The following ADGRB3 variants were observed in gnomAD, a reference collection of about 807,000 sequenced individuals.
ADGRB3 encodes the protein brain-specific angiogenesis inhibitor 3.
In ADGRB3, 37 loss-of-function variants were observed where a neutral mutation model predicts 193.4. That is an observed-to-expected ratio of 0.19 (90% CI 0.15 to 0.25). The LOEUF (loss-of-function observed/expected upper bound fraction) is 0.25, where lower values mean the gene tolerates loss of function less well. Among genes scored for constraint, ADGRB3 ranks in the 10% least tolerant of loss-of-function variants. The probability of loss-of-function intolerance (pLI) is 1.00; values close to 1 mark genes in which losing one functional copy is unlikely to be tolerated. For missense variants in ADGRB3, 1,637 were observed against 1,852.9 expected, an observed-to-expected ratio of 0.88 and a Z score of 2.14; for synonymous variants, 690 against 644.2, an observed-to-expected ratio of 1.07 and a Z score of -1.08.
intron 3 of ADGRB3, among the ~76,000 whole-genome samples, chr6:68,796,577 G>T (rs1767212309): frequency 6.6e-6 from 1 of 152,076 alleles, no homozygotes; most frequent in Admixed American, 6.6e-5. Flanking sequence ...AGATCTTCTA[G>T]GAATATGTTT....
intron 3 of ADGRB3, among the ~76,000 whole-genome samples, chr6:68,708,545 T>C (rs1439832988): frequency 3.9e-5 from 6 of 152,170 alleles, no homozygotes; most frequent in Non-Finnish European, 8.8e-5. Flanking sequence ...ACATAAAATC[T>C]GTAAAATTAA....
intron 13 of ADGRB3, among the ~76,000 whole-genome samples, chr6:69,038,500 A>G (rs1226852537): frequency 5.3e-5 from 8 of 152,174 alleles, no homozygotes; most frequent in African/African-American, 1.7e-4. Context: ...GGCATTTCCC[A>G]TATTGATTTG....
intron 17 of ADGRB3, among the ~76,000 whole-genome samples, chr6:69,213,083 A>C (rs898234975): frequency 6.6e-6 from 1 of 152,148 alleles, no homozygotes; most frequent in African/African-American, 2.4e-5. Context: ...TAAAGACATC[A>C]CTTTATTTTG....
At chr6:69,205,914 T>C (rs1212019481) in intron 17 of ADGRB3, among the ~76,000 whole-genome samples, 1 of 151,150 alleles carries the variant, frequency 6.6e-6, no homozygotes, top group Non-Finnish European at 1.5e-5. Context: ...GCCTCTCAAG[T>C]ACCTGGGACT....
chr6:69,308,187 G>T (rs1427908676), intron 20 of ADGRB3, among the ~76,000 whole-genome samples: 1 of 151,388 alleles, frequency 6.6e-6, no homozygotes, highest in Non-Finnish European at 1.5e-5. Context: ...TTGAGTCCTG[G>T]CTCTGCCTCT....
intron 3 of ADGRB3, among the ~76,000 whole-genome samples, chr6:68,854,865 C>T (rs1414342658): frequency 1.3e-5 from 2 of 152,152 alleles, no homozygotes; most frequent in Non-Finnish European, 2.9e-5. Context: ...GAGTCTCTCC[C>T]AGCATTGCCT....
intron 4 of ADGRB3, 135 bp downstream of exon 4, chr6:68,930,804 T>G (rs898143828): frequency 1.5e-6 from 1 of 645,540 alleles, no homozygotes; most frequent in Non-Finnish European, 2.6e-6. Flanking sequence ...TTGTCACCAG[T>G]TAAAGTCCAT....
chr6:69,331,372 G>A (rs1473669687), intron 23 of ADGRB3, among the ~76,000 whole-genome samples: 2 of 151,868 alleles, frequency 1.3e-5, no homozygotes, highest in Non-Finnish European at 2.9e-5. Flanking sequence ...AGAAAATAAG[G>A]GAGGAAAGAA....
intron 15 of ADGRB3, among the ~76,000 whole-genome samples, chr6:69,050,336 G>A (rs1228051054): frequency 6.6e-6 from 1 of 152,176 alleles, no homozygotes; most frequent in African/African-American, 2.4e-5. Flanking sequence ...CAGAGCCCCT[G>A]TGGTTGTCAT....
At chr6:69,044,879 C>CTT (rs11380641) in intron 13 of ADGRB3, among the ~76,000 whole-genome samples, 10 of 152,160 alleles carry the variant, frequency 6.6e-5, no homozygotes, top group Admixed American at 2.6e-4. Flanking sequence ...GTAAGAAAGG[C>CTT]TTTTTTTCAA....
At chr6:68,697,372 A>C (rs2127306568) in intron 3 of ADGRB3, among the ~76,000 whole-genome samples, 1 of 152,046 alleles carries the variant, frequency 6.6e-6, no homozygotes, top group South Asian at 2.1e-4. Flanking sequence ...TACTAGTCTA[A>C]GTGGCAAATG....
At chr6:68,896,258 G>A (rs1307962356) in intron 3 of ADGRB3, among the ~76,000 whole-genome samples, 1 of 152,020 alleles carries the variant, frequency 6.6e-6, no homozygotes, top group Non-Finnish European at 1.5e-5. Flanking sequence ...AATAGTTTCT[G>A]TCTGTCCTCT....
chr6:68,727,485 C>T (rs1765694567), intron 3 of ADGRB3, among the ~76,000 whole-genome samples: 2 of 151,470 alleles, frequency 1.3e-5, no homozygotes, highest in South Asian at 4.1e-4. Flanking sequence ...TCTAAGCATC[C>T]TTTCCAAATT....
chr6:68,915,336 A>T (rs1486143083), intron 3 of ADGRB3, among the ~76,000 whole-genome samples: 2 of 152,208 alleles, frequency 1.3e-5, no homozygotes, highest in East Asian at 3.9e-4. Context: ...ATTGGAAAGA[A>T]TTCCAGCCAC....
chr6:68,914,491 G>T (rs1043460620), intron 3 of ADGRB3, among the ~76,000 whole-genome samples: 2 of 152,104 alleles, frequency 1.3e-5, no homozygotes, highest in Admixed American at 1.3e-4. Flanking sequence ...ACAAGCAAAT[G>T]CTGAGAGATT....
chr6:69,077,983 A>G (rs555698466), intron 17 of ADGRB3, among the ~76,000 whole-genome samples: 2 of 152,076 alleles, frequency 1.3e-5, no homozygotes, highest in South Asian at 2.1e-4. Flanking sequence ...AGGCAACTTT[A>G]TTTCCTTTCT....
intron 3 of ADGRB3, among the ~76,000 whole-genome samples, chr6:68,813,644 G>A (rs902586895): frequency 4.0e-5 from 6 of 151,668 alleles, no homozygotes; most frequent in Admixed American, 6.6e-5. Flanking sequence ...CCATGTTGGT[G>A]TGCCGCACCC....
chr6:69,269,526 C>T (rs1767128266), intron 20 of ADGRB3, among the ~76,000 whole-genome samples: 1 of 152,124 alleles, frequency 6.6e-6, no homozygotes, highest in Non-Finnish European at 1.5e-5. Flanking sequence ...ATTTGAATTG[C>T]ATAAATGCAT....
Position 69,078,762 on chromosome 6 carries a change from G to A in ADGRB3, c.2480+2724G>A, listed in dbSNP as rs143838506. Among the ~76,000 whole-genome samples the A allele has an allele frequency of 8.6e-5, 13 of 152,030 alleles. No homozygotes were observed. In the East Asian group the frequency reaches 2.3e-3, roughly 27 times the overall value. On this transcript the variant is annotated intron_variant, in intron 17 of 31. Coordinates refer to ENST00000370598, the MANE Select transcript of ADGRB3 (RefSeq NM_001704.3). ...TATAACCCCGTTTGATACTTTCACA[G>A]CATGCATTCCTTTTTCTTATTTTCG...
Sources: gnomAD v4.1 joint callset for allele counts (sites outside exome capture counted in the v4.1 genomes callset) on GRCh38, gnomAD v4.1.1 for gene constraint, MANE v1.5 for transcripts, NCBI Gene and HGNC (gene_info 2026-07-23, HGNC 2026-07-21) for gene names.